Variants in ELMO1 observed in about 807,000 individuals in gnomAD.
ELMO1 encodes the protein engulfment and cell motility protein 1.
Under a neutral mutation model 98.9 loss-of-function variants are expected in ELMO1, and 26 were observed. The ratio of observed to expected loss-of-function variants is 0.26; its 90% CI spans 0.19 to 0.36. The LOEUF (loss-of-function observed/expected upper bound fraction) is 0.36. ELMO1 is among the 10% of genes least tolerant of loss of function. The pLI is 1.00. For missense variants in ELMO1, 627 were observed against 935.2 expected (o/e 0.67, Z 4.30); for synonymous variants, 346 against 346.0 (o/e 1.00, Z 0.00).
At chr7:37,056,461 C>T (rs535624082) in intron 15 of ELMO1, among the ~76,000 whole-genome samples, 3 of 152,304 alleles carry the variant, frequency 2.0e-5, no homozygotes, top group East Asian at 1.9e-4. Flanking sequence ...GATGCAGTGT[C>T]GGTGACTGTC....
At chr7:37,235,056 G>A (rs1794387178) in intron 7 of ELMO1, among the ~76,000 whole-genome samples, 1 of 152,216 alleles carries the variant, frequency 6.6e-6, no homozygotes, top group African/African-American at 2.4e-5. Flanking sequence ...AAAGGATCAT[G>A]CCTCAAAAAG....
chr7:36,891,441 AGCTTTATTCCTG>A (rs1403652569), intron 17 of ELMO1, among the ~76,000 whole-genome samples: 1 of 152,222 alleles, frequency 6.6e-6, no homozygotes, highest in Non-Finnish European at 1.5e-5. Flanking sequence ...GGTAGGTATC[AGCTTTATTCCTG>A]GCTTTGTTTT....
At chr7:37,126,617 A>G (rs948075242) in intron 14 of ELMO1, among the ~76,000 whole-genome samples, 1 of 152,232 alleles carries the variant, frequency 6.6e-6, no homozygotes, top group Non-Finnish European at 1.5e-5. Context: ...TGTGCCCAGC[A>G]TAAGTCACAT....
chr7:37,345,987 T>TGAAAA (rs577056447), intron 1 of ELMO1, among the ~76,000 whole-genome samples: 1 of 114,476 alleles, frequency 8.7e-6, no homozygotes, highest in Non-Finnish European at 1.8e-5. Flanking sequence ...AGACTCCATC[T>TGAAAA]AAAAAAAAAA....
chr7:37,103,846 A>G (rs1032672370), intron 14 of ELMO1, among the ~76,000 whole-genome samples: 3 of 150,152 alleles, frequency 2.0e-5, no homozygotes, highest in Admixed American at 2.0e-4. Flanking sequence ...AATACAAAAT[A>G]TATATATATT....
At chr7:37,332,051 G>C (rs1327091643) in intron 2 of ELMO1, among the ~76,000 whole-genome samples, 2 of 152,166 alleles carry the variant, frequency 1.3e-5, no homozygotes, top group Non-Finnish European at 2.9e-5. Context: ...ATCTCATGAT[G>C]ATGAGGCTGA....
At chr7:36,940,871 C>T (rs77767253) in intron 16 of ELMO1, among the ~76,000 whole-genome samples, 2,143 of 152,118 alleles carry the variant, frequency 0.014, 26 homozygotes, top group Non-Finnish European at 0.017. Context: ...GCATTAACAG[C>T]GACAGTTATA....
chr7:36,887,155 G>C (rs904102084), intron 18 of ELMO1, among the ~76,000 whole-genome samples: 17 of 152,186 alleles, frequency 1.1e-4, no homozygotes, highest in African/African-American at 2.7e-4. Flanking sequence ...AATCCTAGTA[G>C]TTACTTCTTA....
At chr7:37,256,051 C>A (rs1445706928) in intron 6 of ELMO1, among the ~76,000 whole-genome samples, 1 of 152,150 alleles carries the variant, frequency 6.6e-6, no homozygotes, top group Non-Finnish European at 1.5e-5. Flanking sequence ...CAGCCTGGAG[C>A]TCCCCTCACA....
At chr7:37,217,880 A>T (rs1793383745) in intron 10 of ELMO1, 1 of 438,930 alleles carries the variant, frequency 2.3e-6, no homozygotes, top group Non-Finnish European at 4.6e-6. Flanking sequence ...CACTGCATTG[A>T]AAAGTGCTTA....
chr7:37,177,596 G>A (rs1445877620), intron 13 of ELMO1, among the ~76,000 whole-genome samples: 2 of 151,884 alleles, frequency 1.3e-5, no homozygotes, highest in African/African-American at 2.4e-5. Flanking sequence ...GTTATGTGTC[G>A]CATTTCATTC....
chr7:37,040,036 TTGTGTGTATGTGTG>T (rs1011515793), intron 15 of ELMO1, among the ~76,000 whole-genome samples: 8 of 152,194 alleles, frequency 5.3e-5, no homozygotes, highest in African/African-American at 1.9e-4. Context: ...ATGTTTGTGT[TTGTGTGTATGTGTG>T]TGTGTGTATG....
chr7:37,271,666 T>C, intron 5 of ELMO1, 166 bp downstream of exon 5: 1 of 669,986 alleles, frequency 1.5e-6, no homozygotes, highest in Non-Finnish European at 2.5e-6. Context: ...CAGTGGGAAA[T>C]CTACGGAGGG....
intron 1 of ELMO1, among the ~76,000 whole-genome samples, chr7:37,428,930 A>T (rs1804817482): frequency 6.6e-6 from 1 of 152,220 alleles, no homozygotes; most frequent in Non-Finnish European, 1.5e-5. Flanking sequence ...CCAGAACTCC[A>T]TGTGTGGGAG....
At chr7:37,388,738 G>C (rs1802931362) in intron 1 of ELMO1, among the ~76,000 whole-genome samples, 1 of 152,062 alleles carries the variant, frequency 6.6e-6, no homozygotes, top group Non-Finnish European at 1.5e-5. Context: ...AGGAGATAGA[G>C]GTTACAGTGA....
intron 1 of ELMO1, among the ~76,000 whole-genome samples, chr7:37,371,414 T>C (rs1165403112): frequency 6.6e-6 from 1 of 152,236 alleles, no homozygotes; most frequent in Non-Finnish European, 1.5e-5. Flanking sequence ...CATCATTTGC[T>C]TGTATCATAT....
chr7:37,407,507 C>CAAA (rs34117162), intron 1 of ELMO1, among the ~76,000 whole-genome samples: 2 of 91,672 alleles, frequency 2.2e-5, no homozygotes, highest in Non-Finnish European at 2.4e-5. Context: ...AACTCCATCT[C>CAAA]AAAAAAAAAA....
chr7:37,203,834 T>A (rs1009295562), intron 13 of ELMO1, among the ~76,000 whole-genome samples: 2 of 150,334 alleles, frequency 1.3e-5, no homozygotes, highest in Non-Finnish European at 1.5e-5. Flanking sequence ...GTTGTTGGGA[T>A]CCCAGAGCTG....
intron 1 of ELMO1, among the ~76,000 whole-genome samples, chr7:37,391,006 CCCTTCCTTCCTT>C (rs56315543): frequency 0.084 from 10,928 of 130,108 alleles, 1,028 homozygotes; most frequent in East Asian, 0.37. Context: ...GGAAAGTAGT[CCCTTCCTTCCTT>C]CCTTCCTTCC....
Sources: allele counts gnomAD v4.1 joint callset (sites outside exome capture counted in the v4.1 genomes callset), GRCh38; gene constraint gnomAD v4.1.1; transcripts MANE v1.5; gene names NCBI Gene and HGNC (gene_info 2026-07-23, HGNC 2026-07-21).